The following ADGRA2 variants were observed in gnomAD, a reference collection of about 807,000 sequenced individuals.
The protein encoded by ADGRA2 is adhesion G protein-coupled receptor A2, also known as G-protein coupled receptor 124.
Under a neutral mutation model 98.7 loss-of-function variants are expected in ADGRA2, and 61 were observed. That is an observed-to-expected ratio of 0.62 (90% CI 0.50 to 0.76). The LOEUF (loss-of-function observed/expected upper bound fraction) is 0.76. Ranked by LOEUF, ADGRA2 falls within the 30% of genes least tolerant of loss-of-function variation. ADGRA2 has a pLI of 0.00. For missense variants in ADGRA2, 1,712 were observed against 1,860.0 expected (o/e 0.92, Z 1.46); for synonymous variants, 858 against 831.5 (o/e 1.03, Z -0.55).
At chr8:37,819,978 C>A (rs977330501) in intron 2 of ADGRA2, among the ~76,000 whole-genome samples, 1 of 152,112 alleles carries the variant, frequency 6.6e-6, no homozygotes, top group African/African-American at 2.4e-5. Context: ...GCCATGAAGA[C>A]ATTTTTTAAA....
At chr8:37,822,409 AGT>A (rs1491527587) in intron 2 of ADGRA2, among the ~76,000 whole-genome samples, 49,220 of 148,908 alleles carry the variant, frequency 0.33, 9,476 homozygotes, top group African/African-American at 0.55. Context: ...ACACACACAC[AGT>A]CACATGCTCT....
chr8:37,818,898 A>T (rs1805054117), intron 2 of ADGRA2, among the ~76,000 whole-genome samples: 1 of 152,182 alleles, frequency 6.6e-6, no homozygotes, highest in Non-Finnish European at 1.5e-5. Flanking sequence ...ACCTGAAGGG[A>T]CGAGGAAGGA....
rs577095092 is a variant in ADGRA2 at position 37,825,138 on chromosome 8, G to A, written c.339-3750G>A. On this transcript the variant is annotated intron_variant, in intron 2 of 18. Transcript: ENST00000412232. ...CTTCAACACCCTGCGTCTTTCCCAG[G>A]TTCCAAGGACAGGGCTCTGTGGAAG... is the stretch of plus-strand genomic sequence containing the variant. 4.6e-5 allele frequency among the ~76,000 whole-genome samples: 7 copies of A among 152,308 alleles called. No individual in the cohort carries two copies. The South Asian group carries it at 1.0e-3, about 23-fold the overall frequency.
In ADGRA2 at chr8:37,839,998, G is replaced by C. The variant is rs1415670993; in HGVS notation, c.2512-123G>C. ...TTGGCGAGTGTATGGGGAGTGGGCT[G>C]GGTAAAGTAAAAAAGCTGGGGGCCG... On this transcript the variant is annotated intron_variant, in intron 16 of 18. Coordinates refer to ENST00000412232, the MANE Select transcript of ADGRA2 (RefSeq NM_032777.10). 4.6e-6 allele frequency: 4 copies of C among 869,674 alleles called. No homozygotes were observed. In the East Asian group the frequency reaches 1.0e-4, roughly 22 times the overall value. 53.9% of individuals were successfully genotyped at this position (869,674 alleles called of 1,614,324 possible).
At chr8:37,816,319 G>A (rs527452996) in intron 2 of ADGRA2, among the ~76,000 whole-genome samples, 4 of 151,880 alleles carry the variant, frequency 2.6e-5, no homozygotes, top group South Asian at 2.1e-4. Context: ...TAGGCCGGGC[G>A]CGGTGGCTCA....
intron 1 of ADGRA2, among the ~76,000 whole-genome samples, chr8:37,812,390 G>A (rs1804860252): frequency 6.6e-6 from 1 of 152,150 alleles, no homozygotes; most frequent in Non-Finnish European, 1.5e-5. Flanking sequence ...CACTTTGGGA[G>A]CCCGAGGCGG....
intron 14 of ADGRA2, among the ~76,000 whole-genome samples, chr8:37,838,176 TGATGGATCTGGAACTCCC>T (rs1314391132): frequency 6.6e-6 from 1 of 152,076 alleles, no homozygotes; most frequent in African/African-American, 2.4e-5. Context: ...TAGTTGGATC[TGATGGATCTGGAACTCCC>T]GATGGATCTG....
At chr8:37,818,574 C>T (rs16887059) in intron 2 of ADGRA2, among the ~76,000 whole-genome samples, 1,685 of 152,360 alleles carry the variant, frequency 0.011, 45 homozygotes, top group African/African-American at 0.039. Context: ...ATTCTAAACG[C>T]TGAGTCCCAG....
rs1805815185 is a variant in ADGRA2 at position 37,841,985 on chromosome 8, C to G, written c.3647C>G (p.Ser1216Cys). ...GCGGCGGGGGCGCTGGAGCTGCTGT[C>G]CAGCGAGAGCGGCAGTCTGCACAAC... ...GGAAGALELL[S>C]SESGSLHNSP... is the part of the protein sequence containing the mutation. Residue 1216 changes from serine to cysteine, a missense_variant, in exon 19 of 19, where the codon TCC (serine) becomes TGC (cysteine). Ser to Cys is a moderately radical substitution (Grantham distance 112). Coordinates refer to ENST00000412232, the MANE Select transcript of ADGRA2 (RefSeq NM_032777.10). The surrounding 1 kb of genome is among the most constrained non-coding windows in gnomAD (Gnocchi z 5.0). 2 of 1,507,728 alleles carry G rather than the reference C, an allele frequency of 1.3e-6. No individual in the cohort carries two copies. The highest frequency in any genetic ancestry group is 2.9e-5 in the African/African-American group (2 of 69,830). 93.4% of individuals were successfully genotyped at this position (1,507,728 alleles called of 1,614,324 possible). A position where few individuals can be genotyped will look rare whatever the true frequency, so the allele number is the denominator to read the frequency against.
At position 37,835,805 on chromosome 8, in the gene ADGRA2, C is replaced by G. The variant is rs148692900; in HGVS notation, c.2050+35C>G. The G allele has an allele frequency of 1.2e-3, 1,713 of 1,406,154 alleles. 26 individuals carry two copies. In the African/African-American group the frequency reaches 0.017, roughly 14 times the overall value. 87.1% of individuals were successfully genotyped at this position (1,406,154 alleles called of 1,614,324 possible). Reference sequence around the variant, plus strand: ...TGAATTCCCCGCCCCGCCCAGGGTGCCTCTCGTGTGTCCGCCCTGTTCCCC... The same window carrying G: ...TGAATTCCCCGCCCCGCCCAGGGTGGCTCTCGTGTGTCCGCCCTGTTCCCC... On this transcript the variant is annotated intron_variant, in intron 13 of 18. Coordinates refer to ENST00000412232, the MANE Select transcript of ADGRA2 (RefSeq NM_032777.10).
rs138291145 is a variant in ADGRA2 at position 37,826,734 on chromosome 8, C to T, written c.339-2154C>T. The stretch of plus-strand genomic sequence containing the variant: ...GAACACCCATTTCCTCTCCTCCCAG[C>T]GGGCAGCCGGCTTGGTTAACCCCCT... On this transcript the variant is annotated intron_variant, in intron 2 of 18. Coordinates refer to ENST00000412232, the MANE Select transcript of ADGRA2 (RefSeq NM_032777.10). 5.4e-3 allele frequency among the ~76,000 whole-genome samples: 817 copies of T among 152,298 alleles called. 9 individuals are homozygous for T. Among genetic ancestry groups the T allele is most frequent in the Non-Finnish European group, 8.9e-3 (604 of 68,014 alleles).
Position 37,830,830 on chromosome 8 carries a change from G to T in ADGRA2, c.839G>T (p.Arg280Leu). The T allele has an allele frequency of 6.3e-7, 1 of 1,591,822 alleles. No homozygotes were observed. The highest frequency in any genetic ancestry group is 8.5e-7 in the Non-Finnish European group (1 of 1,169,640). ...TACCTGGGCAACGACACCCGCATCC[G>T]CTGGTACCACAACCGAGCCCCTGTG... ...ASYLGNDTRI[R>L]WYHNRAPVEG... Residue 280 changes from arginine (R) to leucine (L), a missense_variant, in exon 7 of 19, where the codon CGC becomes CTC. Physicochemically the swap from Arg to Leu is moderately radical, Grantham distance 102. Transcript: ENST00000412232. This position sits in a 1 kb window ranked among gnomAD's most constrained non-coding sequence, Gnocchi z 4.8.
At chr8:37,836,097 A>ACACACACACACACACACC (rs1245868623) in intron 13 of ADGRA2, among the ~76,000 whole-genome samples, 1 of 108,636 alleles carries the variant, frequency 9.2e-6, no homozygotes, top group African/African-American at 3.7e-5. Flanking sequence ...ACACACACAC[A>ACACACACACACACACACC]CCCCACAGGC....
At chr8:37,816,556 C>T (rs1389923520) in intron 2 of ADGRA2, among the ~76,000 whole-genome samples, 2 of 151,796 alleles carry the variant, frequency 1.3e-5, no homozygotes, top group Non-Finnish European at 2.9e-5. Flanking sequence ...TGCGCCACTG[C>T]ACTCCAGCCT....
At chr8:37,821,621 C>T (rs1805128305) in intron 2 of ADGRA2, among the ~76,000 whole-genome samples, 1 of 152,162 alleles carries the variant, frequency 6.6e-6, no homozygotes, top group Non-Finnish European at 1.5e-5. Flanking sequence ...GCAGACAGCC[C>T]CAAGAGAGGC....
rs1804929789 is a variant in ADGRA2, at chr8:37,814,749, T to C, written c.267-147T>C. On this transcript the variant is annotated intron_variant, in intron 1 of 18. Transcript: ENST00000412232. This position sits in a 1 kb window ranked among gnomAD's most constrained non-coding sequence, Gnocchi z 4.3. ...CGTTGGCCAGCTTCTCCCTGTAATCTCCGGAAGTAGAGGGTGGGGGCTGCT... is the reference window on the plus strand; with the variant it reads ...CGTTGGCCAGCTTCTCCCTGTAATCCCCGGAAGTAGAGGGTGGGGGCTGCT... The C allele has an allele frequency of 2.3e-5, 15 of 641,628 alleles. No individual in the cohort carries two copies. The highest frequency in any genetic ancestry group is 1.1e-5 in the Non-Finnish European group (4 of 350,904). 39.7% of individuals were successfully genotyped at this position (641,628 alleles called of 1,614,324 possible).
At chr8:37,799,634 G>A (rs1222327822) in intron 1 of ADGRA2, among the ~76,000 whole-genome samples, 1 of 152,060 alleles carries the variant, frequency 6.6e-6, no homozygotes, top group African/African-American at 2.4e-5. Flanking sequence ...GCCAGCTCTT[G>A]GTAAGAATAC....
chr8:37,827,978 AAT>A (rs1491467134), intron 2 of ADGRA2, among the ~76,000 whole-genome samples: 22 of 146,334 alleles, frequency 1.5e-4, no homozygotes, highest in African/African-American at 5.0e-4. Flanking sequence ...TACCAAAAAA[AAT>A]TTTTTTTTTT....
rs770630842 is a variant in ADGRA2 at position 37,802,265 on chromosome 8, G to A, written c.266+4731G>A. Among the ~76,000 whole-genome samples, 5 of 152,176 alleles carry A rather than the reference G, an allele frequency of 3.3e-5. No homozygotes were observed. Among genetic ancestry groups the A allele is most frequent in the Admixed American group, 1.3e-4 (2 of 15,286 alleles). On this transcript the variant is annotated intron_variant, in intron 1 of 18. Transcript: ENST00000412232. This position sits in a 1 kb window ranked among gnomAD's most constrained non-coding sequence, Gnocchi z 4.7. Reference sequence around the variant, plus strand: ...ATTTGGGCAAAGTGTGCCAAGCGTCGTGCACATGGCCCGAGGGCAGGACAA... The same window carrying A: ...ATTTGGGCAAAGTGTGCCAAGCGTCATGCACATGGCCCGAGGGCAGGACAA...
Sources: gnomAD v4.1 joint callset for allele counts (sites outside exome capture counted in the v4.1 genomes callset) on GRCh38, gnomAD v4.1.1 for gene constraint, Gnocchi (gnomAD v3.1) non-coding constraint, MANE v1.5 for transcripts, NCBI Gene and HGNC (gene_info 2026-07-23, HGNC 2026-07-21) for gene names.